Variants in UTRN observed in about 807,000 individuals in gnomAD.
UTRN encodes the protein utrophin.
A neutral mutation model predicts 463.9 loss-of-function variants in UTRN; 283 were observed. The observed-to-expected ratio is 0.61, with a 90% CI of 0.55 to 0.67. The LOEUF is 0.67. Ranked by LOEUF, UTRN falls within the 30% of genes least tolerant of loss-of-function variation. The probability of loss-of-function intolerance (pLI) is 0.00; values close to 1 mark genes in which losing one functional copy is unlikely to be tolerated. For synonymous variants in UTRN, 1,442 were observed against 1,431.5 expected (o/e 1.01, Z -0.17); for missense variants, 3,922 against 4,084.3 (o/e 0.96, Z 1.08).
intron 39 of UTRN, among the ~76,000 whole-genome samples, chr6:144,521,371 T>A (rs925867926): frequency 6.6e-6 from 1 of 152,168 alleles, no homozygotes; most frequent in African/African-American, 2.4e-5. Context: ...GAGTAGTCCA[T>A]AGAGCCTCAA....
intron 51 of UTRN, among the ~76,000 whole-genome samples, chr6:144,593,720 T>C (rs761574437): frequency 1.4e-4 from 21 of 152,314 alleles, no homozygotes; most frequent in Middle Eastern, 3.4e-3. Flanking sequence ...TCAGAGAACA[T>C]TGGGTACTTG....
chr6:144,607,512 A>G (rs1438230227), intron 51 of UTRN, among the ~76,000 whole-genome samples: 1 of 152,196 alleles, frequency 6.6e-6, no homozygotes, highest in Admixed American at 6.5e-5. Flanking sequence ...TGCTATACCA[A>G]CATTTCACTG....
chr6:144,494,367 C>G (rs1387448744), intron 33 of UTRN, among the ~76,000 whole-genome samples: 5 of 152,006 alleles, frequency 3.3e-5, no homozygotes, highest in African/African-American at 1.2e-4. Context: ...GTTCGTTCCT[C>G]CCAGTGGGCT....
intron 26 of UTRN, among the ~76,000 whole-genome samples, chr6:144,480,552 G>A (rs945086318): frequency 1.1e-4 from 17 of 152,188 alleles, no homozygotes; most frequent in South Asian, 2.1e-4. Flanking sequence ...ATAGCGGTAG[G>A]AATGCATCGG....
At chr6:144,615,349 A>G (rs1215520590) in intron 51 of UTRN, among the ~76,000 whole-genome samples, 2 of 152,178 alleles carry the variant, frequency 1.3e-5, no homozygotes, top group Non-Finnish European at 2.9e-5. Context: ...CTTCATAAAT[A>G]TGATTTCCTC....
At chr6:144,818,528 A>G (rs905024084) in intron 65 of UTRN, among the ~76,000 whole-genome samples, 42 of 152,226 alleles carry the variant, frequency 2.8e-4, no homozygotes, top group African/African-American at 8.9e-4. Flanking sequence ...AAGAGATCAA[A>G]ACTTTTACAT....
intron 57 of UTRN, among the ~76,000 whole-genome samples, chr6:144,756,576 C>T (rs367981873): frequency 3.9e-5 from 6 of 152,094 alleles, no homozygotes; most frequent in African/African-American, 1.4e-4. Flanking sequence ...TCTTGGACTT[C>T]AGCCATGGTT....
intron 54 of UTRN, among the ~76,000 whole-genome samples, chr6:144,741,036 G>A (rs1387947627): frequency 3.9e-5 from 6 of 152,194 alleles, no homozygotes; most frequent in African/African-American, 9.6e-5. Flanking sequence ...CTCTTTGAGC[G>A]TGGTATAATG....
intron 2 of UTRN, among the ~76,000 whole-genome samples, chr6:144,380,101 A>G (rs1780779976): frequency 6.6e-6 from 1 of 152,230 alleles, no homozygotes; most frequent in African/African-American, 2.4e-5. Flanking sequence ...AATTCTAAGT[A>G]TGATTGTTAT....
chr6:144,488,160 A>T (rs369343202), intron 29 of UTRN, among the ~76,000 whole-genome samples: 2 of 152,242 alleles, frequency 1.3e-5, no homozygotes, highest in South Asian at 4.1e-4. Flanking sequence ...TTCCAAACAC[A>T]TATTAAATAA....
chr6:144,804,510 C>G (rs1370227740), intron 65 of UTRN, among the ~76,000 whole-genome samples: 2 of 152,120 alleles, frequency 1.3e-5, no homozygotes, highest in African/African-American at 4.8e-5. Flanking sequence ...TGATTATGCA[C>G]ATGTATTTCT....
In UTRN at chr6:144,440,235, G is replaced by A. The variant is rs147479786; in HGVS notation, c.1393-117G>A. On this transcript the variant is annotated intron_variant, in intron 12 of 74. Coordinates refer to ENST00000367545, the MANE Select transcript of UTRN (RefSeq NM_007124.3). ...TAGTAGAACAGTTAGGGTAATGATT[G>A]GAAATTTAAATATGATGCCTCATTA... The A allele has an allele frequency of 1.0e-4, 107 of 1,042,670 alleles. No homozygotes were observed. In the East Asian group the frequency reaches 2.6e-3, roughly 25 times the overall value. 64.6% of individuals were successfully genotyped at this position (1,042,670 alleles called of 1,614,324 possible).
chr6:144,415,319 A>G (rs988652408), intron 3 of UTRN, among the ~76,000 whole-genome samples: 1 of 152,212 alleles, frequency 6.6e-6, no homozygotes, highest in Non-Finnish European at 1.5e-5. Context: ...TGAAGTCAAG[A>G]GCTGCTTTCA....
intron 51 of UTRN, among the ~76,000 whole-genome samples, chr6:144,633,302 G>T (rs186910568): frequency 2.9e-4 from 43 of 146,270 alleles, no homozygotes; most frequent in East Asian, 6.3e-4. Context: ...CGATCTCGGC[G>T]CACTGCAAGC....
chr6:144,428,308 T>C (rs1159671325), intron 7 of UTRN, among the ~76,000 whole-genome samples: 1 of 152,206 alleles, frequency 6.6e-6, no homozygotes, highest in Non-Finnish European at 1.5e-5. Context: ...GTTCTGCTAA[T>C]CTTGATCTTT....
chr6:144,847,319 T>G (rs9390235), intron 74 of UTRN, among the ~76,000 whole-genome samples: 21,199 of 152,182 alleles, frequency 0.14, 1,728 homozygotes, highest in African/African-American at 0.21. Context: ...ATGAGACAGG[T>G]TTACTTTGCC....
At chr6:144,487,379 A>G (rs1014609656) in intron 28 of UTRN, among the ~76,000 whole-genome samples, 169 bp from the exon 29 acceptor site, 1 of 152,182 alleles carries the variant, frequency 6.6e-6, no homozygotes, top group Non-Finnish European at 1.5e-5. Context: ...TTTTAATCCC[A>G]TGATGGATAT....
At chr6:144,724,980 A>G (rs1189025501) in intron 53 of UTRN, among the ~76,000 whole-genome samples, 5 of 152,180 alleles carry the variant, frequency 3.3e-5, no homozygotes, top group Admixed American at 3.3e-4. Flanking sequence ...TCATGTTGAC[A>G]ACTCTGTGTT....
intron 51 of UTRN, among the ~76,000 whole-genome samples, chr6:144,608,152 G>A (rs569186986): frequency 2.6e-4 from 40 of 152,182 alleles, no homozygotes; most frequent in African/African-American, 4.1e-4. Context: ...CTAGTAAAGC[G>A]GATTATCCTC....
Sources: gnomAD v4.1 joint callset for allele counts (sites outside exome capture counted in the v4.1 genomes callset) on GRCh38, gnomAD v4.1.1 for gene constraint, MANE v1.5 for transcripts, NCBI Gene and HGNC (gene_info 2026-07-23, HGNC 2026-07-21) for gene names.